TRPC7: variants seen among roughly 807,000 people sequenced by gnomAD.
TRPC7 encodes short transient receptor potential channel 7.
A neutral mutation model predicts 90.1 loss-of-function variants in TRPC7; 42 were observed. The ratio of observed to expected loss-of-function variants is 0.47; its 90% CI spans 0.36 to 0.60. The LOEUF is 0.60. Among genes scored for constraint, TRPC7 ranks in the 20% least tolerant of loss-of-function variants. TRPC7 has a pLI of 0.00. For synonymous variants in TRPC7, 451 were observed against 436.3 expected, an observed-to-expected ratio of 1.03 and a Z score of -0.42; for missense variants, 955 against 1,112.3, an observed-to-expected ratio of 0.86 and a Z score of 2.01.
intron 3 of TRPC7, among the ~76,000 whole-genome samples, chr5:136,292,055 C>T (rs1406914839): frequency 3.9e-5 from 6 of 152,128 alleles, no homozygotes; most frequent in South Asian, 2.1e-4. Flanking sequence ...GGGTACATAA[C>T]GAAATGAAGG....
At chr5:136,215,799 G>A (rs1199023482) in intron 11 of TRPC7, among the ~76,000 whole-genome samples, 2 of 149,804 alleles carry the variant, frequency 1.3e-5, no homozygotes, top group African/African-American at 5.0e-5. Flanking sequence ...CTCCAGCCTG[G>A]GCAACAGAGT....
chr5:136,255,785 A>G (rs1756669380), intron 5 of TRPC7, among the ~76,000 whole-genome samples: 1 of 152,116 alleles, frequency 6.6e-6, no homozygotes. Flanking sequence ...TTATTATCCT[A>G]TTTTTACAGC....
Position 136,247,660 on chromosome 5 carries a change from A to C in TRPC7, c.1655T>G (p.Phe552Cys), listed in dbSNP as rs1280885502. ...TGGCAGAATGTATGCAATGCGAGAG[A>C]AGCTCAGCACGACGGCTATCGCGTA... is the stretch of plus-strand genomic sequence containing the variant. ...GLYAIAVVLS[F>C]SRIAYILPAN... is the part of the protein sequence containing the mutation. Residue 552 changes from phenylalanine (F) to cysteine (C), a missense_variant, in exon 7 of 12, where the codon TTC (phenylalanine) becomes TGC (cysteine). By Grantham distance (205) the Phe-to-Cys change is radical. Transcript: ENST00000513104. This position sits in a 1 kb window ranked among gnomAD's most constrained non-coding sequence, Gnocchi z 4.2. The C allele has an allele frequency of 2.5e-6, 4 of 1,613,892 alleles. No homozygotes were observed. The highest frequency in any genetic ancestry group is 1.1e-5 in the South Asian group (1 of 91,072).
At chr5:136,221,906 C>T (rs180804871) in intron 10 of TRPC7, among the ~76,000 whole-genome samples, 201 of 152,248 alleles carry the variant, frequency 1.3e-3, no homozygotes, top group Non-Finnish European at 2.2e-3. Context: ...CGCTTGTTTA[C>T]TTTGACCATG....
intron 2 of TRPC7, among the ~76,000 whole-genome samples, chr5:136,335,153 C>G (rs1032604643): frequency 3.3e-5 from 5 of 152,124 alleles, no homozygotes; most frequent in Non-Finnish European, 1.5e-5. Flanking sequence ...TTCCATTGAT[C>G]TCCACACCTT....
intron 3 of TRPC7, among the ~76,000 whole-genome samples, chr5:136,302,171 A>T (rs1283868459): frequency 6.6e-6 from 1 of 152,228 alleles, no homozygotes; most frequent in Non-Finnish European, 1.5e-5. Context: ...CGGACTGGGA[A>T]GGCAGCCTTC....
At chr5:136,227,605 G>T (rs1382899251) in intron 8 of TRPC7, among the ~76,000 whole-genome samples, 2 of 152,170 alleles carry the variant, frequency 1.3e-5, no homozygotes, top group African/African-American at 4.8e-5. Context: ...GATCTTTTAG[G>T]TTGGAAGCTT....
At chr5:136,303,839 G>A (rs1363112510) in intron 3 of TRPC7, 1 of 151,546 alleles carries the variant, frequency 6.6e-6, no homozygotes, top group Non-Finnish European at 1.5e-5. Context: ...CCGAGCTTCG[G>A]GTAACTCTCA....
chr5:136,284,022 G>C (rs770473195), intron 3 of TRPC7, among the ~76,000 whole-genome samples: 64 of 152,166 alleles, frequency 4.2e-4, no homozygotes, highest in Non-Finnish European at 3.8e-4. Flanking sequence ...GGTGCTATCT[G>C]TGCCTACTCT....
At chr5:136,235,022 A>G (rs1755941490) in intron 7 of TRPC7, among the ~76,000 whole-genome samples, 1 of 152,250 alleles carries the variant, frequency 6.6e-6, no homozygotes, top group African/African-American at 2.4e-5. Flanking sequence ...ACTAGAATAA[A>G]GTATTGGTGA....
At chr5:136,345,321 C>T (rs1341659992) in intron 2 of TRPC7, among the ~76,000 whole-genome samples, 7 of 152,006 alleles carry the variant, frequency 4.6e-5, no homozygotes, top group Non-Finnish European at 7.4e-5. Context: ...TTTGGGAGGC[C>T]GAGGCGGGCA....
chr5:136,277,674 C>T (rs1049089124), intron 3 of TRPC7, among the ~76,000 whole-genome samples: 3 of 152,080 alleles, frequency 2.0e-5, no homozygotes, highest in Admixed American at 6.5e-5. Flanking sequence ...TTTTCAAAAG[C>T]GGGGTCAGAG....
In TRPC7 at chr5:136,274,647, C is replaced by T. The variant is rs190713737; in HGVS notation, c.1128+26G>A. 138 of 1,568,642 alleles carry T rather than the reference C, an allele frequency of 8.8e-5. No individual in the cohort carries two copies. In the African/African-American group the frequency reaches 9.5e-4, roughly 11 times the overall value. ...AGAAGAGAGAAGAAATAACCGCAAA[C>T]GACATGCACCTTAAGCAGTCTGTAC... On this transcript the variant is annotated intron_variant, in intron 4 of 11. Coordinates refer to ENST00000513104, the MANE Select transcript of TRPC7 (RefSeq NM_020389.3).
At position 136,356,862 on chromosome 5, in the gene TRPC7, C is replaced by A. The variant is rs1488830808; in HGVS notation, c.526G>T (p.Glu176Ter). 1.2e-6 allele frequency: 2 copies of A among 1,613,816 alleles called. No homozygotes were observed. The highest frequency in any genetic ancestry group is 1.1e-5 in the South Asian group (1 of 91,090). The change falls in exon 2 of 12, where the codon GAG (glutamate) becomes TAG (stop). Residue 176 changes from glutamate to a stop codon, truncating the protein, a stop_gained. Transcript: ENST00000513104. LOFTEE classifies it high-confidence loss of function. ...AGCAGGATGTGCACGATCTCATACT[C>A]CTGGCAGTGCGCCGCCAGGATGATG... ...TPIILAAHCQ[E>*]YEIVHILLLK...
chr5:136,362,810 T>G (rs537446160), intron 1 of TRPC7, among the ~76,000 whole-genome samples: 1 of 152,296 alleles, frequency 6.6e-6, no homozygotes, highest in South Asian at 2.1e-4. Flanking sequence ...ACTTTTTCCA[T>G]TAGAGTTCAA....
chr5:136,317,637 C>T (rs1284464970), intron 2 of TRPC7, among the ~76,000 whole-genome samples: 1 of 152,190 alleles, frequency 6.6e-6, no homozygotes, highest in African/African-American at 2.4e-5. Flanking sequence ...TGGCCCCAAC[C>T]CCGTAACTTT....
chr5:136,228,491 A>C (rs1755705016), intron 8 of TRPC7, among the ~76,000 whole-genome samples: 1 of 148,686 alleles, frequency 6.7e-6, no homozygotes, highest in Non-Finnish European at 1.5e-5. Context: ...AGGAAGGATT[A>C]GGTAGCAAGA....
At chr5:136,307,893 A>C (rs1758698630) in intron 3 of TRPC7, among the ~76,000 whole-genome samples, 1 of 152,226 alleles carries the variant, frequency 6.6e-6, no homozygotes, top group Non-Finnish European at 1.5e-5. Flanking sequence ...TTCTAGGTAC[A>C]TTGCATGTGT....
chr5:136,251,014 G>A (rs1756500954), intron 6 of TRPC7, among the ~76,000 whole-genome samples: 1 of 151,834 alleles, frequency 6.6e-6, no homozygotes, highest in East Asian at 1.9e-4. Flanking sequence ...TTTTTGCCGG[G>A]CTATTTGCAA....
Sources: gnomAD v4.1 joint callset for allele counts (sites outside exome capture counted in the v4.1 genomes callset) on GRCh38, gnomAD v4.1.1 for gene constraint, Gnocchi (gnomAD v3.1) non-coding constraint, MANE v1.5 for transcripts, NCBI Gene and HGNC (gene_info 2026-07-23, HGNC 2026-07-21) for gene names.